Variants in AGMO observed in about 807,000 individuals in gnomAD.
The protein encoded by AGMO is glyceryl-ether monooxygenase.
Under a neutral mutation model 60.2 loss-of-function variants are expected in AGMO, and 75 were observed. The observed-to-expected ratio is 1.25, with a 90% confidence interval of 1.03 to 1.51. The LOEUF is 1.51. Among genes scored for constraint, AGMO ranks in the 40% most tolerant of loss-of-function variants. The probability of loss-of-function intolerance (pLI) is 0.00; values close to 1 mark genes in which losing one functional copy is unlikely to be tolerated. For synonymous variants in AGMO, 261 were observed against 177.1 expected, an observed-to-expected ratio of 1.47 and a Z score of -3.76; for missense variants, 763 against 525.5, an observed-to-expected ratio of 1.45 and a Z score of -4.42.
chr7:15,402,474 T>G (rs1442348670), intron 5 of AGMO, among the ~76,000 whole-genome samples: 3 of 151,632 alleles, frequency 2.0e-5, no homozygotes. Flanking sequence ...CTAAAAAGTG[T>G]GCAGTAATAA....
In AGMO at chr7:15,432,379, T is replaced by TATATATGTGTATATATATATATATAC. The variant is rs373845365; in HGVS notation, c.410-1272_410-1271insGTATATATATATATATACACATATAT. ...ATATATATACACACACATATATATA[T>TATATATGTGTATATATATATATATAC]ACACTATCTGGGTAAATTTTGGCCA... On this transcript the variant is annotated intron_variant, in intron 3 of 12. Transcript: ENST00000342526. 2.7e-3 allele frequency among the ~76,000 whole-genome samples: 366 copies of TATATATGTGTATATATATATATATAC among 136,180 alleles called. 8 individuals carry two copies. The highest frequency in any genetic ancestry group is 9.4e-3 in the African/African-American group (336 of 35,628). 89.3% of individuals were successfully genotyped at this position (136,180 alleles called of 152,430 possible).
intron 10 of AGMO, among the ~76,000 whole-genome samples, chr7:15,376,395 T>C (rs1783453060): frequency 6.6e-6 from 1 of 152,080 alleles, no homozygotes; most frequent in African/African-American, 2.4e-5. Flanking sequence ...CAGGTTTTTT[T>C]CAGCAGCTTT....
chr7:15,391,440 A>AT, intron 6 of AGMO, among the ~76,000 whole-genome samples: 1 of 152,210 alleles, frequency 6.6e-6, no homozygotes, highest in Admixed American at 6.5e-5. Flanking sequence ...TATCATATGT[A>AT]TTTTTCCTGC....
the AGMO span, among the ~76,000 whole-genome samples, chr7:15,142,289 A>T: frequency 6.6e-6 from 1 of 152,200 alleles, no homozygotes; most frequent in Non-Finnish European, 1.5e-5. Flanking sequence ...AGTTATTATT[A>T]GGGCCCCATT....
At chr7:15,181,939 A>G in the AGMO span, among the ~76,000 whole-genome samples, 3 of 152,260 alleles carry the variant, frequency 2.0e-5, no homozygotes, top group South Asian at 6.2e-4. Flanking sequence ...ATTATTCACA[A>G]TAGCCAAAAT....
intron 12 of AGMO, among the ~76,000 whole-genome samples, chr7:15,285,911 T>C (rs1460615340): frequency 6.6e-6 from 1 of 151,684 alleles, no homozygotes; most frequent in East Asian, 1.9e-4. Flanking sequence ...GGGCCCCAAG[T>C]AAAGCCAAAT....
intron 3 of AGMO, among the ~76,000 whole-genome samples, chr7:15,471,823 A>AT (rs561313437): frequency 7.9e-5 from 12 of 151,470 alleles, no homozygotes; most frequent in African/African-American, 1.4e-4. Flanking sequence ...TAAAGCCAAG[A>AT]TTTTTTTTTA....
chr7:15,190,119 A>T, the AGMO span, among the ~76,000 whole-genome samples: 2 of 1,452 alleles, frequency 1.4e-3, no homozygotes, highest in Non-Finnish European at 2.7e-3. Flanking sequence ...ATATATATAT[A>T]TATATATTTA....
At chr7:15,227,805 C>A (rs55980749) in intron 12 of AGMO, among the ~76,000 whole-genome samples, 17,013 of 152,064 alleles carry the variant, frequency 0.11, 1,054 homozygotes, top group East Asian at 0.19. Context: ...CCCTCTAAAC[C>A]TTTTCTAATA....
intron 12 of AGMO, among the ~76,000 whole-genome samples, chr7:15,321,447 G>A (rs962891505): frequency 6.6e-6 from 1 of 152,016 alleles, no homozygotes; most frequent in Non-Finnish European, 1.5e-5. Flanking sequence ...TAAGTACATC[G>A]TCACCTTCAA....
At chr7:15,441,342 T>G (rs1415281280) in intron 3 of AGMO, among the ~76,000 whole-genome samples, 1 of 152,238 alleles carries the variant, frequency 6.6e-6, no homozygotes, top group East Asian at 1.9e-4. Flanking sequence ...AATTTTTATG[T>G]TGCATGAAAA....
At chr7:15,535,171 C>T (rs1231468467) in intron 3 of AGMO, among the ~76,000 whole-genome samples, 3 of 151,708 alleles carry the variant, frequency 2.0e-5, no homozygotes, top group African/African-American at 7.3e-5. Context: ...AGTCTATTAT[C>T]TTACTCTCTA....
intron 12 of AGMO, among the ~76,000 whole-genome samples, chr7:15,258,891 G>T (rs763993788): frequency 3.3e-5 from 5 of 152,028 alleles, no homozygotes; most frequent in African/African-American, 7.2e-5. Flanking sequence ...ACCACAACAA[G>T]GGAGCACTCC....
chr7:15,352,938 T>G (rs1782306529), intron 12 of AGMO, among the ~76,000 whole-genome samples: 1 of 152,120 alleles, frequency 6.6e-6, no homozygotes, highest in Admixed American at 6.6e-5. Flanking sequence ...TTGGGGCATA[T>G]ATTTCAAACG....
intron 5 of AGMO, among the ~76,000 whole-genome samples, chr7:15,397,458 G>A (rs922160677): frequency 6.6e-6 from 1 of 152,116 alleles, no homozygotes; most frequent in Non-Finnish European, 1.5e-5. Flanking sequence ...CCCCCACAGC[G>A]CAGCGGCGGG....
At chr7:15,272,699 C>T (rs1051729887) in intron 12 of AGMO, among the ~76,000 whole-genome samples, 6 of 152,118 alleles carry the variant, frequency 3.9e-5, no homozygotes, top group African/African-American at 1.4e-4. Flanking sequence ...CTTGAGGAAT[C>T]GCGACACTGT....
At chr7:15,302,549 A>G (rs1780475977) in intron 12 of AGMO, among the ~76,000 whole-genome samples, 1 of 152,232 alleles carries the variant, frequency 6.6e-6, no homozygotes, top group African/African-American at 2.4e-5. Flanking sequence ...AAGGTTCCTT[A>G]AAGATTAAAA....
At chr7:15,183,950 A>C in the AGMO span, among the ~76,000 whole-genome samples, 2 of 152,206 alleles carry the variant, frequency 1.3e-5, no homozygotes, top group South Asian at 4.1e-4. Flanking sequence ...TTTTCTATAA[A>C]GTGATTGTTA....
chr7:15,310,574 T>A (rs1210153833), intron 12 of AGMO, among the ~76,000 whole-genome samples: 1 of 152,122 alleles, frequency 6.6e-6, no homozygotes, highest in Non-Finnish European at 1.5e-5. Flanking sequence ...TGTGTCTAAT[T>A]AGAAATTTGG....
Sources: gnomAD v4.1 joint callset for allele counts (sites outside exome capture counted in the v4.1 genomes callset) on GRCh38, gnomAD v4.1.1 for gene constraint, MANE v1.5 for transcripts, NCBI Gene and HGNC (gene_info 2026-07-23, HGNC 2026-07-21) for gene names.